Variants in LIX1L observed in about 807,000 individuals in gnomAD.
The protein encoded by LIX1L is limb and CNS expressed 1 like.
Under a neutral mutation model 34.0 loss-of-function variants are expected in LIX1L, and 20 were observed. The ratio of observed to expected loss-of-function variants is 0.59; its 90% CI spans 0.41 to 0.85. LIX1L has a LOEUF of 0.85. Ranked by LOEUF, LIX1L falls within the 40% of genes least tolerant of loss-of-function variation. The pLI is 0.00. For missense variants in LIX1L, 397 were observed against 447.0 expected, an observed-to-expected ratio of 0.89 and a Z score of 1.01; for synonymous variants, 170 against 187.4, an observed-to-expected ratio of 0.91 and a Z score of 0.76.
intron 1 of LIX1L, among the ~76,000 whole-genome samples, chr1:145,952,860 C>A (rs781817714): frequency 6.6e-6 from 1 of 152,318 alleles, no homozygotes. Context: ...ATCCTCCCAC[C>A]TCAGCCTCCC....
intron 3 of LIX1L, chr1:145,941,180 A>C (rs971104819): frequency 1.3e-5 from 2 of 152,128 alleles, no homozygotes; most frequent in Non-Finnish European, 2.9e-5. Flanking sequence ...AGGGAAACCA[A>C]CTTTCAATAA....
intron 1 of LIX1L, among the ~76,000 whole-genome samples, chr1:145,951,199 G>C (rs1397501403): frequency 2.0e-5 from 3 of 152,042 alleles, no homozygotes; most frequent in Non-Finnish European, 2.9e-5. Context: ...GGCACATGCC[G>C]CCACGCCTGG....
chr1:145,936,622 T>C, intron 5 of LIX1L, 70 bp from the exon 6 acceptor site: 1 of 1,571,998 alleles, frequency 6.4e-7, no homozygotes, highest in Non-Finnish European at 8.7e-7. Context: ...CTGACCCAAC[T>C]GGGACTAAGA....
At position 145,942,888 on chromosome 1, in the gene LIX1L, T is replaced by C. The variant is rs782484945; in HGVS notation, c.457-35A>G. Reference sequence around the variant, plus strand: ...GGAGAAAGAGTGAGAATATGTGTATTTGTGCATATGAGAGAGAGGAAGGAA... The same window carrying C: ...GGAGAAAGAGTGAGAATATGTGTATCTGTGCATATGAGAGAGAGGAAGGAA... On this transcript the variant is annotated intron_variant, in intron 2 of 5. Transcript: ENST00000604000. 6.8e-6 allele frequency: 11 copies of C among 1,608,968 alleles called. No homozygotes were observed. The East Asian group carries it at 2.2e-4, about 33-fold the overall frequency.
rs1648594477 is a variant in LIX1L at position 145,935,229 on chromosome 1, C to T, written c.*1081G>A. 1 of 151,924 alleles carries T rather than the reference C, an allele frequency of 6.6e-6. No individual in the cohort carries two copies. Among genetic ancestry groups the T allele is most frequent in the South Asian group, 2.1e-4 (1 of 4,822 alleles). 9.4% of individuals were successfully genotyped at this position (151,924 alleles called of 1,614,324 possible). ...CTGATCATTGATTCTCTTTCCCTTCCTGCAGTCTCCCAAGGTGTCAATTAG... is the reference window on the plus strand; with the variant it reads ...CTGATCATTGATTCTCTTTCCCTTCTTGCAGTCTCCCAAGGTGTCAATTAG... On this transcript the variant is annotated 3_prime_UTR_variant, in exon 6 of 6. Coordinates refer to ENST00000604000, the MANE Select transcript of LIX1L (RefSeq NM_153713.3).
intron 2 of LIX1L, 45 bp from the exon 3 acceptor site, chr1:145,942,898 G>A (rs1332665531): frequency 5.6e-6 from 9 of 1,593,314 alleles, no homozygotes; most frequent in Non-Finnish European, 7.7e-6. Flanking sequence ...TTGTGCATAT[G>A]AGAGAGAGGA....
rs1648627230 is a variant in LIX1L at position 145,936,056 on chromosome 1, C to T, written c.*254G>A. ...CACAGTTAATCTGGAAGTTTAAGAG[C>T]TAACAAAGCTGCAAAGACAAGCTGC... is the stretch of plus-strand genomic sequence containing the variant. On this transcript the variant is annotated 3_prime_UTR_variant, in exon 6 of 6. Coordinates refer to ENST00000604000, the MANE Select transcript of LIX1L (RefSeq NM_153713.3). 1 of 455,208 alleles carries T rather than the reference C, an allele frequency of 2.2e-6. No homozygotes were observed. The highest frequency in any genetic ancestry group is 3.9e-6 in the Non-Finnish European group (1 of 255,584). The allele number at this position is 455,208 out of a possible 1,614,324, so 28.2% of individuals were successfully genotyped here.
rs957959767 is a variant in LIX1L at position 145,947,682 on chromosome 1, G to A, written c.393C>T (p.Ser131=). The change falls in exon 2 of 6, where the codon TCC becomes TCT. Residue 131 remains serine (S), a synonymous_variant. Coordinates refer to ENST00000604000, the MANE Select transcript of LIX1L (RefSeq NM_153713.3). The part of the protein sequence containing the change: ...GALVVYEMVP[S]NSPPYVCYVT... ...CATAGCAGACATAAGGAGGGCTGTT[G>A]GAGGGAACCATCTCATAAACCACTA... The A allele has an allele frequency of 3.7e-6, 6 of 1,614,136 alleles. No homozygotes were observed. Among genetic ancestry groups the A allele is most frequent in the Non-Finnish European group, 5.1e-6 (6 of 1,180,020 alleles).
intron 3 of LIX1L, among the ~76,000 whole-genome samples, chr1:145,938,310 A>G: frequency 6.6e-6 from 1 of 152,128 alleles, no homozygotes; most frequent in Non-Finnish European, 1.5e-5. Context: ...TCTCCTGGAC[A>G]TTGGCCTATT....
At chr1:145,946,697 C>T (rs1649124810) in intron 2 of LIX1L, among the ~76,000 whole-genome samples, 1 of 152,110 alleles carries the variant, frequency 6.6e-6, no homozygotes, top group African/African-American at 2.4e-5. Flanking sequence ...ACAATCTTTG[C>T]CTCTATGGAA....
chr1:145,951,592 C>T (rs1360071889), intron 1 of LIX1L, among the ~76,000 whole-genome samples: 4 of 152,164 alleles, frequency 2.6e-5, no homozygotes, highest in African/African-American at 9.7e-5. Flanking sequence ...AAAAAAGATC[C>T]AGCATGAAAA....
intron 2 of LIX1L, among the ~76,000 whole-genome samples, chr1:145,946,058 C>T (rs1389781262): frequency 6.6e-6 from 1 of 151,096 alleles, no homozygotes; most frequent in Non-Finnish European, 1.5e-5. Flanking sequence ...GAGCCAAGAT[C>T]ATACCACTGC....
chr1:145,947,575 C>T (rs1416904908), intron 2 of LIX1L, 44 bp downstream of exon 2: 3 of 1,602,088 alleles, frequency 1.9e-6, no homozygotes, highest in Non-Finnish European at 2.6e-6. Flanking sequence ...CCGTTACTAA[C>T]ATCTAAGCAT....
intron 1 of LIX1L, among the ~76,000 whole-genome samples, chr1:145,949,542 A>AC (rs1386616198): frequency 6.6e-6 from 1 of 152,186 alleles, no homozygotes. Context: ...CAGGGACCAG[A>AC]CCAAGTAGGG....
In LIX1L at chr1:145,942,773, G is replaced by A. The variant is rs782403746; in HGVS notation, c.537C>T (p.Ser179=). ...CGATGAACTCATCAGTGATTCTTCG[G>A]GAAGGATGTTCATTAAACACAGAAT... ...LMNSVFNEHP[S]RRITDEFIEK... Residue 179 remains serine, a synonymous_variant, in exon 3 of 6, where the codon TCC becomes TCT. Coordinates refer to ENST00000604000, the MANE Select transcript of LIX1L (RefSeq NM_153713.3). The A allele has an allele frequency of 3.5e-5, 57 of 1,614,044 alleles. No individual in the cohort carries two copies. The highest frequency in any genetic ancestry group is 4.6e-5 in the Non-Finnish European group (54 of 1,179,908).
intron 5 of LIX1L, 170 bp from the exon 6 acceptor site, chr1:145,936,722 C>A: frequency 1.2e-6 from 1 of 844,432 alleles, no homozygotes; most frequent in Non-Finnish European, 1.9e-6. Flanking sequence ...GCAAGATAGA[C>A]AAAAGAATCA....
rs587750449 is a variant in LIX1L, at chr1:145,935,995, A to G, written c.*315T>C. On this transcript the variant is annotated 3_prime_UTR_variant, in exon 6 of 6. Transcript: ENST00000604000. ...TATTTGAAAAGAAGGACACATGAACACTAGAGTTAATCTTTTAGTGCTACT... is the reference window on the plus strand; with the variant it reads ...TATTTGAAAAGAAGGACACATGAACGCTAGAGTTAATCTTTTAGTGCTACT... 5.1e-4 allele frequency: 164 copies of G among 322,792 alleles called. 4 individuals are homozygous for G. In the South Asian group the frequency reaches 5.1e-3, roughly 10 times the overall value. 20.0% of individuals were successfully genotyped at this position (322,792 alleles called of 1,614,324 possible). A position where few individuals can be genotyped will look rare whatever the true frequency, so the allele number is the denominator to read the frequency against.
chr1:145,950,274 CT>C (rs1249330858), intron 1 of LIX1L: 1 of 152,222 alleles, frequency 6.6e-6, no homozygotes, highest in Non-Finnish European at 1.5e-5. Context: ...CAGGGAGAGC[CT>C]TCTGAGCACA....
intron 3 of LIX1L, 27 bp downstream of exon 3, chr1:145,942,686 C>T (rs1278222668): frequency 6.2e-7 from 1 of 1,611,200 alleles, no homozygotes; most frequent in Admixed American, 1.7e-5. Context: ...CTCCCACTCT[C>T]CTTCCTTCCA....
Sources: gnomAD v4.1 joint callset for allele counts (sites outside exome capture counted in the v4.1 genomes callset) on GRCh38, gnomAD v4.1.1 for gene constraint, MANE v1.5 for transcripts, NCBI Gene and HGNC (gene_info 2026-07-23, HGNC 2026-07-21) for gene names.